The following SAMD12 variants were observed in gnomAD, a reference collection of about 807,000 sequenced individuals.
SAMD12 encodes sterile alpha motif domain containing 12, also known as sterile alpha motif domain-containing protein 12.
SAMD12 carries 9 observed loss-of-function variants against 15.0 expected under a neutral mutation model. That is an observed-to-expected ratio of 0.60 (90% CI 0.36 to 1.05). The LOEUF (loss-of-function observed/expected upper bound fraction) is 1.05. SAMD12 is among the 50% of genes least tolerant of loss of function. SAMD12 has a pLI of 0.01. For missense variants in SAMD12, 230 were observed against 234.2 expected (o/e 0.98, Z 0.12); for synonymous variants, 86 against 90.1 (o/e 0.96, Z 0.25).
chr8:118,191,530 C>T (rs1819371061), exon 5 of SAMD12: 1 of 151,376 alleles, frequency 6.6e-6, no homozygotes, highest in Non-Finnish European at 1.5e-5. Flanking sequence ...TTTAAGGTTT[C>T]CATCTGCAAC....
intron 3 of SAMD12, among the ~76,000 whole-genome samples, chr8:118,390,371 G>A (rs1820208355): frequency 6.6e-6 from 1 of 150,766 alleles, no homozygotes; most frequent in South Asian, 2.1e-4. Context: ...AGGAATTCAG[G>A]CAGCCTTGTT....
At position 118,272,219 on chromosome 8, in the gene SAMD12, G is replaced by A. The variant is rs115175911; in HGVS notation, c.434-74487C>T. ...TCTGTGTACCCACAGGCTCAACACCGCATAGAAGCTGCCAAGGCTTGGGGC... is the reference window on the plus strand; with the variant it reads ...TCTGTGTACCCACAGGCTCAACACCACATAGAAGCTGCCAAGGCTTGGGGC... On this transcript the variant is annotated intron_variant, in intron 4 of 4. Coordinates refer to the SAMD12 transcript ENST00000409003. Among the ~76,000 whole-genome samples, 239 of 152,260 alleles carry A rather than the reference G, an allele frequency of 1.6e-3. 2 individuals are homozygous for A. The highest frequency in any genetic ancestry group is 5.4e-3 in the African/African-American group (226 of 41,532).
intron 2 of SAMD12, among the ~76,000 whole-genome samples, chr8:118,447,847 T>C (rs1822964101): frequency 6.6e-6 from 1 of 151,856 alleles, no homozygotes; most frequent in African/African-American, 2.4e-5. Context: ...TGCCTAAGCC[T>C]CCCGAGTAGC....
intron 1 of SAMD12, among the ~76,000 whole-genome samples, chr8:118,588,259 C>T (rs1391500089): frequency 1.3e-5 from 2 of 152,068 alleles, no homozygotes; most frequent in Non-Finnish European, 2.9e-5. Flanking sequence ...AACAACTGTA[C>T]CAGAAAGTAT....
intron 3 of SAMD12, among the ~76,000 whole-genome samples, chr8:118,398,457 G>C (rs1820701704): frequency 6.6e-6 from 1 of 152,092 alleles, no homozygotes; most frequent in African/African-American, 2.4e-5. Context: ...CACATAGATA[G>C]CAAATGACAG....
chr8:118,183,515 T>C, the SAMD12 span, among the ~76,000 whole-genome samples: 1 of 152,170 alleles, frequency 6.6e-6, no homozygotes, highest in Non-Finnish European at 1.5e-5. Flanking sequence ...TTGTGTATAG[T>C]GGGTGCTCAA....
At chr8:118,184,704 C>T (rs537985714), downstream of SAMD12, among the ~76,000 whole-genome samples, 1 of 152,134 alleles carries the variant, frequency 6.6e-6, no homozygotes, top group African/African-American at 2.4e-5. Flanking sequence ...ACCATCTTGC[C>T]CAGGCTCATC....
intron 2 of SAMD12, among the ~76,000 whole-genome samples, chr8:118,466,675 G>C (rs1006233771): frequency 2.6e-5 from 4 of 152,016 alleles, no homozygotes; most frequent in Non-Finnish European, 4.4e-5. Context: ...GTCTGTAACC[G>C]ACCATCCTTT....
At chr8:118,289,580 T>C (rs1479995489) in intron 4 of SAMD12, among the ~76,000 whole-genome samples, 6 of 152,346 alleles carry the variant, frequency 3.9e-5, no homozygotes, top group East Asian at 1.9e-4. Flanking sequence ...TTTAAAAATA[T>C]GATGTTGCCA....
chr8:118,132,972 GTATATATATATATATATATATA>G, the SAMD12 span, among the ~76,000 whole-genome samples: 2,303 of 48,318 alleles, frequency 0.048, 196 homozygotes, highest in African/African-American at 0.14. Context: ...GTGTGTGTGT[GTATATATATATATATATATATA>G]TATATATATA....
chr8:118,401,596 G>A (rs973290374), intron 3 of SAMD12, among the ~76,000 whole-genome samples: 7 of 146,716 alleles, frequency 4.8e-5, no homozygotes, highest in African/African-American at 7.6e-5. Context: ...GGCTGGTCTC[G>A]AACTTTGGCC....
intron 2 of SAMD12, among the ~76,000 whole-genome samples, chr8:118,563,636 C>G (rs1195173749): frequency 6.6e-6 from 1 of 152,146 alleles, no homozygotes; most frequent in African/African-American, 2.4e-5. Context: ...TCCCAAGAAA[C>G]AAAAGCCATA....
intron 2 of SAMD12, among the ~76,000 whole-genome samples, chr8:118,547,071 C>G (rs1826151288): frequency 6.6e-6 from 1 of 152,136 alleles, no homozygotes; most frequent in Admixed American, 6.5e-5. Context: ...GAAATAGAAG[C>G]TCCAAGTTAG....
intron 2 of SAMD12, among the ~76,000 whole-genome samples, chr8:118,477,535 C>T (rs1396591332): frequency 1.3e-5 from 2 of 152,146 alleles, no homozygotes; most frequent in East Asian, 3.9e-4. Flanking sequence ...TTTCCATTTT[C>T]CTATTTTGAG....
Position 118,398,732 on chromosome 8 carries a change from G to A in SAMD12, c.323-19032C>T, listed in dbSNP as rs373499205. On this transcript the variant is annotated intron_variant, in intron 3 of 3. Coordinates refer to ENST00000314727, the MANE Select transcript of SAMD12 (RefSeq NM_207506.3). ...GAGAGAGTTGGATTAAAAATAAAAT[G>A]AGGGAACTTTGGGAAGTGATAGTCA... is the stretch of plus-strand genomic sequence containing the variant. Among the ~76,000 whole-genome samples the A allele has an allele frequency of 2.0e-5, 3 of 152,274 alleles. No homozygotes were observed. In the South Asian group the frequency reaches 6.2e-4, roughly 32 times the overall value.
chr8:118,554,780 C>G (rs1021985365), intron 2 of SAMD12, among the ~76,000 whole-genome samples: 2 of 152,074 alleles, frequency 1.3e-5, no homozygotes, highest in African/African-American at 4.8e-5. Context: ...TTGAAGGCCT[C>G]AAAAGCAAAG....
At chr8:118,616,607 G>A (rs990831502) in intron 1 of SAMD12, among the ~76,000 whole-genome samples, 5 of 152,186 alleles carry the variant, frequency 3.3e-5, no homozygotes, top group Admixed American at 3.3e-4. Flanking sequence ...TGATGAGCAA[G>A]TCTGTGAAAA....
At chr8:118,365,941 C>T (rs1459571407) in intron 4 of SAMD12, among the ~76,000 whole-genome samples, 1 of 152,058 alleles carries the variant, frequency 6.6e-6, no homozygotes, top group Non-Finnish European at 1.5e-5. Flanking sequence ...AATTAATGAC[C>T]CCATTCATAT....
At chr8:118,421,869 A>G (rs1188715488) in intron 3 of SAMD12, among the ~76,000 whole-genome samples, 1 of 152,172 alleles carries the variant, frequency 6.6e-6, no homozygotes, top group African/African-American at 2.4e-5. Flanking sequence ...GATGCTACAA[A>G]ATTTGGAGAC....
Sources: gnomAD v4.1 joint callset for allele counts (sites outside exome capture counted in the v4.1 genomes callset) on GRCh38, gnomAD v4.1.1 for gene constraint, MANE v1.5 for transcripts, NCBI Gene and HGNC (gene_info 2026-07-23, HGNC 2026-07-21) for gene names.